Variants in PRKN observed in about 807,000 individuals in gnomAD.
PRKN encodes the protein parkin RBR E3 ubiquitin protein ligase, also known as E3 ubiquitin-protein ligase parkin.
PRKN carries 56 observed loss-of-function variants against 59.5 expected under a neutral mutation model. The ratio of observed to expected loss-of-function variants is 0.94; its 90% CI spans 0.76 to 1.18. The LOEUF is 1.18. Ranked by LOEUF, PRKN falls within the 50% of genes most tolerant of loss-of-function variation. The probability of loss-of-function intolerance (pLI) is 0.00; values close to 1 mark genes in which losing one functional copy is unlikely to be tolerated. For synonymous variants in PRKN, 250 were observed against 222.1 expected (o/e 1.13, Z -1.12); for missense variants, 657 against 596.4 (o/e 1.10, Z -1.06).
At chr6:161,675,809 T>A (rs1482241371) in intron 7 of PRKN, among the ~76,000 whole-genome samples, 1 of 152,228 alleles carries the variant, frequency 6.6e-6, no homozygotes, top group Non-Finnish European at 1.5e-5. Flanking sequence ...ATAAAATATT[T>A]TTTACAGTTC....
rs138212909 is a variant in PRKN, at chr6:162,091,499, C to T, written c.535-37325G>A. Among the ~76,000 whole-genome samples the T allele has an allele frequency of 1.4e-3, 216 of 152,250 alleles. 1 individual carries two copies. The highest frequency in any genetic ancestry group is 4.9e-3 in the African/African-American group (205 of 41,560). ...GTGGATATGTCTAGGATTGCGATCC[C>T]ATTATGCAGGGACCTACGACCTACT... On this transcript the variant is annotated intron_variant, in intron 4 of 11. Coordinates refer to ENST00000366898, the MANE Select transcript of PRKN (RefSeq NM_004562.3).
chr6:162,334,541 A>G (rs1035341188), intron 2 of PRKN, among the ~76,000 whole-genome samples: 2 of 152,212 alleles, frequency 1.3e-5, no homozygotes, highest in African/African-American at 4.8e-5. Flanking sequence ...CCAGCTCAGA[A>G]TATTACTGCT....
intron 7 of PRKN, among the ~76,000 whole-genome samples, chr6:161,728,849 C>A (rs1787558912): frequency 6.6e-6 from 1 of 152,160 alleles, no homozygotes; most frequent in African/African-American, 2.4e-5. Context: ...ATAGCAGGAA[C>A]ATATTTTGTA....
At chr6:162,382,907 C>T (rs1472037941) in intron 2 of PRKN, among the ~76,000 whole-genome samples, 1 of 152,218 alleles carries the variant, frequency 6.6e-6, no homozygotes, top group Non-Finnish European at 1.5e-5. Context: ...TCACCAGGAG[C>T]ACATTCCATC....
intron 2 of PRKN, among the ~76,000 whole-genome samples, chr6:162,298,356 C>T (rs1310452577): frequency 6.9e-6 from 1 of 144,256 alleles, no homozygotes; most frequent in East Asian, 2.3e-4. Context: ...TCCTCTTGTC[C>T]CTAAAGACCT....
intron 7 of PRKN, among the ~76,000 whole-genome samples, chr6:161,713,974 C>G (rs991951016): frequency 2.0e-5 from 3 of 152,140 alleles, no homozygotes; most frequent in Non-Finnish European, 4.4e-5. Context: ...TTTGCTCCTC[C>G]TTCCCCTTCT....
chr6:162,155,114 A>ACAG (rs1782452737), intron 4 of PRKN, among the ~76,000 whole-genome samples: 1 of 148,600 alleles, frequency 6.7e-6, no homozygotes, highest in African/African-American at 2.5e-5. Context: ...AAAAAAAAAA[A>ACAG]CAACAAAATG....
At chr6:161,779,165 G>C (rs112462606) in intron 7 of PRKN, among the ~76,000 whole-genome samples, 10,807 of 151,802 alleles carry the variant, frequency 0.071, 989 homozygotes, top group African/African-American at 0.21. Context: ...GTCTCGAACT[G>C]CTGACCTCAG....
At chr6:161,438,704 T>C (rs969746183) in intron 9 of PRKN, among the ~76,000 whole-genome samples, 16 of 152,136 alleles carry the variant, frequency 1.1e-4, no homozygotes, top group African/African-American at 2.4e-5. Flanking sequence ...AGATGATGGA[T>C]GTTGTTAAGG....
intron 9 of PRKN, among the ~76,000 whole-genome samples, chr6:161,403,922 T>C (rs1392063097): frequency 6.6e-6 from 1 of 152,186 alleles, no homozygotes; most frequent in African/African-American, 2.4e-5. Flanking sequence ...CCTGGCCAGA[T>C]GCCAGCATCA....
rs1783710261 is a variant in PRKN, at chr6:161,640,775, G to T, written c.872-71359C>A. On this transcript the variant is annotated intron_variant, in intron 7 of 11. Coordinates refer to ENST00000366898, the MANE Select transcript of PRKN (RefSeq NM_004562.3). The stretch of plus-strand genomic sequence containing the variant: ...TCCTCCCCAGAACTAACACAGAATT[G>T]CTGTATTTTACACAGTTTTCTCAGG... Among the ~76,000 whole-genome samples the T allele has an allele frequency of 2.0e-5, 3 of 152,122 alleles. No homozygotes were observed. In the South Asian group the frequency reaches 6.2e-4, roughly 32 times the overall value.
At chr6:161,830,698 T>G (rs948682948) in intron 6 of PRKN, among the ~76,000 whole-genome samples, 1 of 152,224 alleles carries the variant, frequency 6.6e-6, no homozygotes, top group Non-Finnish European at 1.5e-5. Context: ...TTGATATATA[T>G]ACCCATTGTG....
intron 5 of PRKN, among the ~76,000 whole-genome samples, chr6:161,986,923 G>T (rs1373647859): frequency 6.6e-6 from 1 of 152,124 alleles, no homozygotes; most frequent in African/African-American, 2.4e-5. Context: ...TGAGCAAAAA[G>T]AAATATTGAG....
chr6:162,290,384 GGAA>G (rs1781375519), intron 2 of PRKN, among the ~76,000 whole-genome samples: 1 of 151,954 alleles, frequency 6.6e-6, no homozygotes, highest in African/African-American at 2.4e-5. Flanking sequence ...ATCATTTTGT[GGAA>G]ATACAAATAA....
At chr6:162,656,338 C>T (rs957009393) in intron 1 of PRKN, among the ~76,000 whole-genome samples, 5 of 152,186 alleles carry the variant, frequency 3.3e-5, no homozygotes, top group East Asian at 1.9e-4. Context: ...TGTGGCCCTA[C>T]GCAGCCACTA....
chr6:161,482,500 C>T (rs576108630), intron 9 of PRKN, among the ~76,000 whole-genome samples: 6 of 152,144 alleles, frequency 3.9e-5, no homozygotes, highest in African/African-American at 9.7e-5. Context: ...GGGAGAAAGC[C>T]GCCATAGATT....
chr6:161,469,108 T>G (rs1790634182), intron 9 of PRKN, among the ~76,000 whole-genome samples: 2 of 125,340 alleles, frequency 1.6e-5, no homozygotes, highest in South Asian at 4.5e-4. Context: ...CATTCATGGT[T>G]TGGTTCTGTG....
intron 4 of PRKN, among the ~76,000 whole-genome samples, chr6:162,200,135 G>A (rs1421495774): frequency 6.6e-6 from 1 of 152,084 alleles, no homozygotes; most frequent in African/African-American, 2.4e-5. Context: ...GGTGCCTGGG[G>A]TATTTACCCA....
At chr6:162,030,977 G>T (rs867095164) in intron 5 of PRKN, among the ~76,000 whole-genome samples, 2 of 152,162 alleles carry the variant, frequency 1.3e-5, no homozygotes, top group African/African-American at 2.4e-5. Context: ...AAGAATGAGA[G>T]AACAAAGAAA....
Sources: gnomAD v4.1 joint callset for allele counts (sites outside exome capture counted in the v4.1 genomes callset) on GRCh38, gnomAD v4.1.1 for gene constraint, MANE v1.5 for transcripts, NCBI Gene and HGNC (gene_info 2026-07-23, HGNC 2026-07-21) for gene names.